The following SMARCA2 variants were observed in gnomAD, a reference collection of about 807,000 sequenced individuals.
The protein encoded by SMARCA2 is SWI/SNF-related matrix-associated actin-dependent regulator of chromatin subfamily A member 2.
In SMARCA2, 61 loss-of-function variants were observed where a neutral mutation model predicts 199.8. That is an observed-to-expected ratio of 0.31 (90% CI 0.25 to 0.38). The LOEUF (loss-of-function observed/expected upper bound fraction) is 0.38, where lower values mean the gene tolerates loss of function less well. Among genes scored for constraint, SMARCA2 ranks in the 10% least tolerant of loss-of-function variants. The pLI is 1.00. For synonymous variants in SMARCA2, 935 were observed against 732.0 expected (o/e 1.28, Z -4.48); for missense variants, 1,344 against 2,012.2 (o/e 0.67, Z 6.35).
intron 27 of SMARCA2, among the ~76,000 whole-genome samples, chr9:2,150,026 A>G (rs371937765): frequency 6.6e-6 from 1 of 151,456 alleles, no homozygotes; most frequent in African/African-American, 2.4e-5. Context: ...ATGTGCATCT[A>G]TGTGTATTTA....
intron 29 of SMARCA2, 116 bp from the exon 30 acceptor site, chr9:2,181,455 A>ATATC (rs1471642208): frequency 9.2e-6 from 6 of 650,328 alleles, no homozygotes; most frequent in Non-Finnish European, 1.7e-5. Context: ...AAAAAGCTCC[A>ATATC]TATCTATATG....
At chr9:2,187,133 G>A (rs7025079) in intron 32 of SMARCA2, among the ~76,000 whole-genome samples, 1,933 of 152,094 alleles carry the variant, frequency 0.013, 43 homozygotes, top group African/African-American at 0.044. Flanking sequence ...TTTTTGCCAG[G>A]GGAAGAGGGG....
chr9:2,078,637 A>T (rs1468200108), intron 14 of SMARCA2, among the ~76,000 whole-genome samples: 1 of 151,770 alleles, frequency 6.6e-6, no homozygotes, highest in Non-Finnish European at 1.5e-5. Flanking sequence ...TGTTCTATGA[A>T]TTGTTCCTTA....
At chr9:2,057,194 T>C (rs1026789251) in intron 7 of SMARCA2, among the ~76,000 whole-genome samples, 1 of 152,220 alleles carries the variant, frequency 6.6e-6, no homozygotes, top group South Asian at 2.1e-4. Context: ...AAGCCTGAGA[T>C]CAGGGTACTA....
chr9:2,149,063 T>TCAGAA (rs1824910030), intron 27 of SMARCA2, among the ~76,000 whole-genome samples: 1 of 150,726 alleles, frequency 6.6e-6, no homozygotes, highest in African/African-American at 2.4e-5. Context: ...TGTATTAGTC[T>TCAGAA]GTTTTCACAC....
chr9:2,156,445 T>TTTTTTTTTTTA (rs1825367158), intron 27 of SMARCA2, among the ~76,000 whole-genome samples: 1 of 94,546 alleles, frequency 1.1e-5, no homozygotes, highest in Non-Finnish European at 2.2e-5. Context: ...TTTTTTTTTT[T>TTTTTTTTTTTA]TGAGGCAGAG....
intron 15 of SMARCA2, 24 bp from the exon 16 acceptor site, chr9:2,083,323 T>C: frequency 6.7e-7 from 1 of 1,499,452 alleles, no homozygotes; most frequent in Non-Finnish European, 9.0e-7. Flanking sequence ...CTTTTTTCTG[T>C]TGTTTTTTTT....
chr9:2,124,583 C>G (rs3829071), intron 27 of SMARCA2, among the ~76,000 whole-genome samples: 48,856 of 152,054 alleles, frequency 0.32, 12,215 homozygotes, highest in African/African-American at 0.69. Context: ...GCTCGATTTC[C>G]GCTTGATCTG....
At chr9:2,135,327 C>T (rs1824146439) in intron 27 of SMARCA2, among the ~76,000 whole-genome samples, 1 of 152,144 alleles carries the variant, frequency 6.6e-6, no homozygotes, top group South Asian at 2.1e-4. Context: ...CTTCTTTACT[C>T]AGTATGTAGA....
intron 29 of SMARCA2, among the ~76,000 whole-genome samples, chr9:2,176,719 A>AGTTTT (rs2129809233): frequency 1.9e-5 from 2 of 106,800 alleles, no homozygotes; most frequent in South Asian, 3.5e-4. Context: ...CGCCTGGCTA[A>AGTTTT]GTTTTGTATT....
chr9:2,045,757 C>T (rs73379451), intron 4 of SMARCA2: 1 of 151,550 alleles, frequency 6.6e-6, no homozygotes, highest in Non-Finnish European at 1.5e-5. Flanking sequence ...GAAATCTTAC[C>T]TTGCTCTGTA....
At chr9:2,042,673 T>TA (rs1326203191) in intron 4 of SMARCA2, 2 of 151,272 alleles carry the variant, frequency 1.3e-5, no homozygotes, top group Admixed American at 6.6e-5. Flanking sequence ...TTTTTTTTTT[T>TA]AACCTGGCTC....
chr9:2,026,401 C>G (rs1334459808), intron 1 of SMARCA2, among the ~76,000 whole-genome samples: 1 of 152,120 alleles, frequency 6.6e-6, no homozygotes, highest in African/African-American at 2.4e-5. Flanking sequence ...TGTTTTCCCT[C>G]TAAGACGTTT....
intron 10 of SMARCA2, among the ~76,000 whole-genome samples, chr9:2,071,568 G>C (rs1821088484): frequency 6.6e-6 from 1 of 152,142 alleles, no homozygotes; most frequent in Admixed American, 6.6e-5. Context: ...ACTGATCTTG[G>C]ACTTGTGACA....
intron 16 of SMARCA2, 79 bp downstream of exon 16, chr9:2,083,492 G>C: frequency 1.2e-6 from 1 of 857,804 alleles, no homozygotes; most frequent in South Asian, 1.5e-5. Flanking sequence ...ATGCACATCT[G>C]TGAACTGTAT....
intron 24 of SMARCA2, among the ~76,000 whole-genome samples, chr9:2,112,381 A>C (rs1315935806): frequency 1.3e-5 from 2 of 152,214 alleles, no homozygotes; most frequent in East Asian, 3.8e-4. Context: ...CACAGTATAC[A>C]GTATAAATCC....
chr9:2,121,628 C>G (rs912437959), intron 26 of SMARCA2, among the ~76,000 whole-genome samples: 8 of 152,230 alleles, frequency 5.3e-5, no homozygotes, highest in Admixed American at 3.9e-4. Flanking sequence ...AGAGTGAGTT[C>G]TCTATAAAAT....
At chr9:2,172,561 G>T (rs182091616) in intron 29 of SMARCA2, among the ~76,000 whole-genome samples, 16 of 152,250 alleles carry the variant, frequency 1.1e-4, no homozygotes. Context: ...GACGAAGGAA[G>T]ACTGGGACAG....
chr9:2,078,818 A>G (rs1563753777), intron 14 of SMARCA2, among the ~76,000 whole-genome samples: 1 of 151,738 alleles, frequency 6.6e-6, no homozygotes, highest in Admixed American at 6.6e-5. Context: ...GGTGGCGGGC[A>G]CCTGTAGTCC....
Sources: allele counts gnomAD v4.1 joint callset (sites outside exome capture counted in the v4.1 genomes callset), GRCh38; gene constraint gnomAD v4.1.1; transcripts MANE v1.5; gene names NCBI Gene and HGNC (gene_info 2026-07-23, HGNC 2026-07-21).